The following ZNF618 variants were observed in gnomAD, a reference collection of about 807,000 sequenced individuals.
ZNF618 encodes the protein neural precursor cell expressed, developmentally down-regulated 10.
In ZNF618, 34 loss-of-function variants were observed where a neutral mutation model predicts 103.0. The observed-to-expected ratio is 0.33, with a 90% CI of 0.25 to 0.44. The LOEUF is 0.44. Among genes scored for constraint, ZNF618 ranks in the 20% least tolerant of loss-of-function variants. ZNF618 has a pLI of 1.00. For synonymous variants in ZNF618, 551 were observed against 542.2 expected (o/e 1.02, Z -0.23); for missense variants, 1,059 against 1,295.4 (o/e 0.82, Z 2.80).
At chr9:113,938,321 A>T (rs924079646) in intron 1 of ZNF618, among the ~76,000 whole-genome samples, 8 of 148,358 alleles carry the variant, frequency 5.4e-5, no homozygotes, top group Middle Eastern at 3.5e-3. Flanking sequence ...CTACAGGCAC[A>T]CATCACCACA....
At chr9:113,921,641 T>C (rs1832661423) in intron 1 of ZNF618, among the ~76,000 whole-genome samples, 1 of 152,134 alleles carries the variant, frequency 6.6e-6, no homozygotes, top group Non-Finnish European at 1.5e-5. Flanking sequence ...CTTGAGAAGA[T>C]GGGGAAACAG....
chr9:113,968,232 T>C (rs1469527007), intron 1 of ZNF618, among the ~76,000 whole-genome samples: 1 of 152,178 alleles, frequency 6.6e-6, no homozygotes, highest in Non-Finnish European at 1.5e-5. Flanking sequence ...ATCAATGTGT[T>C]TGATTAGCGG....
At chr9:113,881,375 A>G (rs551601428) in intron 1 of ZNF618, among the ~76,000 whole-genome samples, 8 of 152,318 alleles carry the variant, frequency 5.3e-5, no homozygotes, top group African/African-American at 1.7e-4. Flanking sequence ...TGCGAGCCAC[A>G]TATATAATTT....
chr9:113,897,814 G>C (rs980738305), intron 1 of ZNF618, among the ~76,000 whole-genome samples: 3 of 152,128 alleles, frequency 2.0e-5, no homozygotes, highest in Non-Finnish European at 2.9e-5. Context: ...TTTTGAGACG[G>C]AGTCTTGCCT....
At chr9:113,905,403 C>T (rs1379942577) in intron 1 of ZNF618, among the ~76,000 whole-genome samples, 1 of 152,194 alleles carries the variant, frequency 6.6e-6, no homozygotes, top group Non-Finnish European at 1.5e-5. Flanking sequence ...TGGCAAACTA[C>T]AGGCCAAATA....
At chr9:114,014,210 A>G (rs1250124569) in intron 9 of ZNF618, among the ~76,000 whole-genome samples, 1 of 152,256 alleles carries the variant, frequency 6.6e-6, no homozygotes, top group African/African-American at 2.4e-5. Flanking sequence ...CAAATCAATT[A>G]TAGCAATAAA....
chr9:113,951,427 G>GTATATATATATACACACATATA lies in ZNF618; in HGVS notation c.34-17689_34-17688insATATATATATACACACATATAT, dbSNP rs1554732831. ...CGTATATATACACACATATATGTGT[G>GTATATATATATACACACATATA]TGTGTATATATATACATATATGTGT... On this transcript the variant is annotated intron_variant, in intron 1 of 14. Transcript: ENST00000374126. 1.1e-3 allele frequency among the ~76,000 whole-genome samples: 80 copies of GTATATATATATACACACATATA among 69,940 alleles called. 11 individuals carry two copies. Among genetic ancestry groups the GTATATATATATACACACATATA allele is most frequent in the Admixed American group, 1.8e-3 (10 of 5,678 alleles). 45.9% of individuals were successfully genotyped at this position (69,940 alleles called of 152,430 possible).
intron 1 of ZNF618, among the ~76,000 whole-genome samples, chr9:113,948,630 T>C (rs548361932): frequency 4.6e-5 from 7 of 152,340 alleles, no homozygotes; most frequent in Non-Finnish European, 1.0e-4. Flanking sequence ...AGCTGCCAGT[T>C]AAGTGCCTGT....
At chr9:113,940,768 G>A (rs10448276) in intron 1 of ZNF618, among the ~76,000 whole-genome samples, 1 of 152,078 alleles carries the variant, frequency 6.6e-6, no homozygotes, top group African/African-American at 2.4e-5. Flanking sequence ...TCCAGCTTTC[G>A]TCATTGATAA....
intron 10 of ZNF618, among the ~76,000 whole-genome samples, chr9:114,025,656 C>T (rs1843432965): frequency 6.6e-6 from 1 of 151,620 alleles, no homozygotes; most frequent in South Asian, 2.1e-4. Context: ...TTGATCCTGG[C>T]CCAGCCCAAC....
At chr9:113,918,452 T>G (rs1272499024) in intron 1 of ZNF618, among the ~76,000 whole-genome samples, 3 of 152,268 alleles carry the variant, frequency 2.0e-5, no homozygotes, top group Admixed American at 6.5e-5. Context: ...TGTTGCTTCT[T>G]GCCTACAACA....
chr9:113,957,493 G>A (rs531648663), intron 1 of ZNF618, among the ~76,000 whole-genome samples: 19 of 152,314 alleles, frequency 1.2e-4, no homozygotes, highest in African/African-American at 4.3e-4. Context: ...GAGGGCCAGA[G>A]ACTGCCTCTC....
intron 3 of ZNF618, among the ~76,000 whole-genome samples, chr9:113,993,657 A>G (rs556098060): frequency 1.1e-4 from 17 of 152,306 alleles, no homozygotes; most frequent in African/African-American, 4.1e-4. Context: ...GAGACCCGAG[A>G]CTTAACTGAG....
chr9:113,933,793 G>A (rs1833809835), intron 1 of ZNF618, among the ~76,000 whole-genome samples: 2 of 152,142 alleles, frequency 1.3e-5, no homozygotes, highest in Admixed American at 1.3e-4. Flanking sequence ...TTAGGCAAAG[G>A]GGCAATCATT....
chr9:113,927,763 A>C (rs1336192167), intron 1 of ZNF618, among the ~76,000 whole-genome samples: 1 of 152,196 alleles, frequency 6.6e-6, no homozygotes, highest in Non-Finnish European at 1.5e-5. Context: ...CTTTTGTTGA[A>C]TAGAACAGTA....
At chr9:113,937,923 A>G (rs62559205) in intron 1 of ZNF618, among the ~76,000 whole-genome samples, 1,664 of 152,086 alleles carry the variant, frequency 0.011, 24 homozygotes, top group Non-Finnish European at 0.016. Context: ...GTGATGGCAT[A>G]TGTTAGTCTT....
intron 14 of ZNF618, among the ~76,000 whole-genome samples, chr9:114,048,224 C>G (rs1212403898): frequency 6.6e-6 from 1 of 152,154 alleles, no homozygotes; most frequent in African/African-American, 2.4e-5. Context: ...CAGAAAGCAC[C>G]AATTTGTGGC....
chr9:114,030,566 A>C (rs760475612), intron 11 of ZNF618, among the ~76,000 whole-genome samples: 2 of 152,218 alleles, frequency 1.3e-5, no homozygotes, highest in African/African-American at 2.4e-5. Flanking sequence ...GACAGGCCTC[A>C]GGCTGCCTTC....
intron 3 of ZNF618, among the ~76,000 whole-genome samples, chr9:113,990,692 G>A (rs1313892373): frequency 9.2e-5 from 14 of 152,162 alleles, no homozygotes; most frequent in Admixed American, 8.5e-4. Flanking sequence ...AGAGAGAGGT[G>A]TTAATTCCGC....
Sources: allele counts gnomAD v4.1 joint callset (sites outside exome capture counted in the v4.1 genomes callset), GRCh38; gene constraint gnomAD v4.1.1; transcripts MANE v1.5; gene names NCBI Gene and HGNC (gene_info 2026-07-23, HGNC 2026-07-21).